Variants in PKP4 observed in about 807,000 individuals in gnomAD.
PKP4 encodes the protein plakophilin-4.
Under a neutral mutation model 145.1 loss-of-function variants are expected in PKP4, and 90 were observed. The observed-to-expected ratio is 0.62, with a 90% CI of 0.52 to 0.74. PKP4 has a LOEUF of 0.74. Among genes scored for constraint, PKP4 ranks in the 30% least tolerant of loss-of-function variants. PKP4 has a pLI of 0.00. For missense variants in PKP4, 1,340 were observed against 1,482.7 expected, an observed-to-expected ratio of 0.90 and a Z score of 1.58; for synonymous variants, 563 against 577.2, an observed-to-expected ratio of 0.98 and a Z score of 0.35.
intron 1 of PKP4, among the ~76,000 whole-genome samples, chr2:158,507,401 G>A (rs947608679): frequency 2.0e-4 from 30 of 152,200 alleles, no homozygotes. Flanking sequence ...AAGCCAGATG[G>A]TTTAGATATC....
At chr2:158,491,527 T>C (rs554378359) in intron 1 of PKP4, among the ~76,000 whole-genome samples, 3 of 152,144 alleles carry the variant, frequency 2.0e-5, no homozygotes, top group African/African-American at 7.2e-5. Context: ...GTCCATACCT[T>C]TTGCCCAGTT....
chr2:158,602,026 G>A (rs1030451394), intron 3 of PKP4, among the ~76,000 whole-genome samples: 1 of 151,970 alleles, frequency 6.6e-6, no homozygotes, highest in African/African-American at 2.4e-5. Context: ...CCTTTTTCTG[G>A]TTTTTTAAAA....
rs772956481 is a variant in PKP4 at position 158,624,867 on chromosome 2, C to G, written c.604-11C>G. On this transcript the variant is annotated splice_polypyrimidine_tract_variant and intron_variant, in intron 6 of 21. Coordinates refer to ENST00000389759, the MANE Select transcript of PKP4 (RefSeq NM_003628.6). ...ATAAACCCATTCTCTTTTTTCCCCC[C>G]CTTTCATCAGCCATCAGTAGCCAAT... 7.4e-5 allele frequency: 115 copies of G among 1,551,002 alleles called. 1 individual carries two copies. Among genetic ancestry groups the G allele is most frequent in the Non-Finnish European group, 5.7e-5 (65 of 1,148,028 alleles).
intron 3 of PKP4, 95 bp downstream of exon 3, chr2:158,577,478 C>G: frequency 1.3e-6 from 1 of 749,480 alleles, no homozygotes; most frequent in Non-Finnish European, 2.1e-6. Flanking sequence ...AGTGTTGTTA[C>G]TGTTAACTTG....
chr2:158,510,848 G>T (rs1170813303), intron 1 of PKP4, among the ~76,000 whole-genome samples: 1 of 152,246 alleles, frequency 6.6e-6, no homozygotes, highest in East Asian at 1.9e-4. Flanking sequence ...TTGGGGACAA[G>T]CAGATGCAGA....
At chr2:158,565,270 C>T (rs2046873164) in intron 2 of PKP4, among the ~76,000 whole-genome samples, 2 of 151,958 alleles carry the variant, frequency 1.3e-5, no homozygotes, top group African/African-American at 4.8e-5. Context: ...TAAATTGTGC[C>T]CATTCCAAAC....
At chr2:158,554,250 T>A (rs1246621332) in intron 2 of PKP4, among the ~76,000 whole-genome samples, 1 of 152,172 alleles carries the variant, frequency 6.6e-6, no homozygotes, top group Admixed American at 6.5e-5. Flanking sequence ...CCAGTTCACC[T>A]CCTGCTGTGG....
chr2:158,476,162 G>A (rs761742757), intron 1 of PKP4, among the ~76,000 whole-genome samples: 1 of 152,144 alleles, frequency 6.6e-6, no homozygotes, highest in Non-Finnish European at 1.5e-5. Flanking sequence ...GGGGTGTGTT[G>A]TAGGTACACA....
intron 1 of PKP4, among the ~76,000 whole-genome samples, chr2:158,488,194 T>C (rs1167174665): frequency 6.6e-6 from 1 of 152,146 alleles, no homozygotes; most frequent in Non-Finnish European, 1.5e-5. Context: ...ATAAAAAAAA[T>C]TGGAGGCAAG....
intron 1 of PKP4, among the ~76,000 whole-genome samples, chr2:158,483,988 G>A (rs1007904694): frequency 6.6e-6 from 1 of 150,816 alleles, no homozygotes. Context: ...TACATTAAAA[G>A]TGAGCATAAC....
chr2:158,667,318 A>G (rs2057190313), intron 16 of PKP4, among the ~76,000 whole-genome samples: 1 of 152,110 alleles, frequency 6.6e-6, no homozygotes, highest in Admixed American at 6.5e-5. Flanking sequence ...GGGGTATCCT[A>G]TATAACCCCG....
chr2:158,678,920 G>C, intron 21 of PKP4: 1 of 504,412 alleles, frequency 2.0e-6, no homozygotes, highest in East Asian at 3.4e-5. Context: ...CATGTCTTTT[G>C]CCCAGCAGTG....
intron 1 of PKP4, 49 bp from the exon 2 acceptor site, chr2:158,533,131 G>A: frequency 3.9e-6 from 6 of 1,536,410 alleles, no homozygotes; most frequent in Non-Finnish European, 5.3e-6. Flanking sequence ...CTTGGTTCCT[G>A]CAAGGGAGCC....
chr2:158,489,792 T>A (rs1159013539), intron 1 of PKP4, among the ~76,000 whole-genome samples: 1 of 152,252 alleles, frequency 6.6e-6, no homozygotes, highest in Non-Finnish European at 1.5e-5. Flanking sequence ...GACAAAAGTA[T>A]ACATTTTAAA....
intron 1 of PKP4, among the ~76,000 whole-genome samples, chr2:158,516,419 G>A (rs1229840581): frequency 6.6e-6 from 1 of 152,102 alleles, no homozygotes; most frequent in Non-Finnish European, 1.5e-5. Context: ...GCTGGAAGTT[G>A]TCCGTGGAGC....
intron 1 of PKP4, among the ~76,000 whole-genome samples, chr2:158,477,800 C>T (rs1692720407): frequency 6.6e-6 from 1 of 152,116 alleles, no homozygotes; most frequent in African/African-American, 2.4e-5. Flanking sequence ...CACTGTGATC[C>T]TACCTGTGAA....
intron 1 of PKP4, among the ~76,000 whole-genome samples, chr2:158,480,970 T>G (rs970630750): frequency 6.6e-6 from 1 of 152,260 alleles, no homozygotes; most frequent in African/African-American, 2.4e-5. Context: ...TAGAATCATG[T>G]AGTACATGTC....
At chr2:158,627,970 T>G (rs1481861461) in intron 7 of PKP4, among the ~76,000 whole-genome samples, 6 of 151,448 alleles carry the variant, frequency 4.0e-5, no homozygotes, top group African/African-American at 1.5e-4. Context: ...TTATTTATTT[T>G]TATTTATTTT....
At chr2:158,605,425 T>TA (rs1001710521) in intron 4 of PKP4, among the ~76,000 whole-genome samples, 4 of 152,212 alleles carry the variant, frequency 2.6e-5, no homozygotes, top group Non-Finnish European at 5.9e-5. Flanking sequence ...GTTATGTTTT[T>TA]AAAAGTGACA....
Sources: allele counts gnomAD v4.1 joint callset (sites outside exome capture counted in the v4.1 genomes callset), GRCh38; gene constraint gnomAD v4.1.1; transcripts MANE v1.5; gene names NCBI Gene and HGNC (gene_info 2026-07-23, HGNC 2026-07-21).